OR2J2: variants seen among roughly 807,000 people sequenced by gnomAD.
OR2J2 encodes the protein olfactory receptor 2J2.
In OR2J2, 13 loss-of-function variants were observed where a neutral mutation model predicts 16.9. The observed-to-expected ratio is 0.77, with a 90% CI of 0.50 to 1.23. The LOEUF is 1.23. Ranked by LOEUF, OR2J2 falls within the 50% of genes most tolerant of loss-of-function variation. The pLI is 0.00. For missense variants in OR2J2, 341 were observed against 379.1 expected, an observed-to-expected ratio of 0.90 and a Z score of 0.84; for synonymous variants, 125 against 141.2, an observed-to-expected ratio of 0.89 and a Z score of 0.81.
intron 1 of OR2J2, chr6:29,173,332 A>C (rs1765603691): frequency 1.4e-5 from 4 of 284,996 alleles, no homozygotes; most frequent in Admixed American, 5.0e-5. Context: ...GTAAAAAATC[A>C]TTTTTCATAA....
chr6:29,173,138 T>A (rs1765594180), intron 1 of OR2J2, among the ~76,000 whole-genome samples: 1 of 152,144 alleles, frequency 6.6e-6, no homozygotes, highest in Admixed American at 6.6e-5. Flanking sequence ...TAGCATTTGA[T>A]TCTTTCTATA....
intron 1 of OR2J2, 108 bp downstream of exon 1, chr6:29,171,213 G>T (rs903683535): frequency 6.6e-6 from 1 of 152,014 alleles, no homozygotes; most frequent in African/African-American, 2.4e-5. Context: ...AAATATGATG[G>T]TTGTGGGGTG....
rs768674506 is a variant in OR2J2 at position 29,174,274 on chromosome 6, T to C, written c.639T>C (p.Ile213=). ...CCATTTTTGTTCTCATACCTCTCAT[T>C]CTCATTCTCACTACCTATGGTGCCA... The part of the protein sequence containing the change: ...MSSIFVLIPL[I]LILTTYGAIA... The change falls in exon 2 of 2, where the codon ATT becomes ATC. Residue 213 remains isoleucine (I), a synonymous_variant. Coordinates refer to ENST00000641417, the MANE Select transcript of OR2J2 (RefSeq NM_030905.3). 20 of 1,613,822 alleles carry C rather than the reference T, an allele frequency of 1.2e-5. No individual in the cohort carries two copies. The highest frequency in any genetic ancestry group is 1.6e-5 in the Non-Finnish European group (19 of 1,179,956).
rs749695241 is a variant in OR2J2 at position 29,174,534 on chromosome 6, G to T, written c.899G>T (p.Gly300Val). 5.6e-6 allele frequency: 9 copies of T among 1,613,122 alleles called. No individual in the cohort carries two copies. The East Asian group carries it at 2.0e-4, about 36-fold the overall frequency. The change falls in exon 2 of 2, where the codon GGG becomes GTG. Residue 300 changes from glycine (G) to valine (V), a missense_variant. Transcript: ENST00000641417. ...IYTLRNKHVK[G>V]AAKRLLGWEW... ...ACTCTCAGAAACAAGCATGTAAAAG[G>T]GGCAGCGAAGAGACTATTGGGGTGG...
chr6:29,172,473 T>C (rs1384130784), intron 1 of OR2J2, among the ~76,000 whole-genome samples: 1 of 152,098 alleles, frequency 6.6e-6, no homozygotes, highest in Non-Finnish European at 1.5e-5. Flanking sequence ...TCCTGTATTT[T>C]ATTGCAAAAA....
At position 29,175,482 on chromosome 6, in the gene OR2J2, TA is replaced by T. The variant is rs1765807295; in HGVS notation, c.*913del. 1 of 152,006 alleles carries T rather than the reference TA, an allele frequency of 6.6e-6. No homozygotes were observed. Among genetic ancestry groups the T allele is most frequent in the East Asian group, 1.9e-4 (1 of 5,172 alleles). The allele number at this position is 152,006 out of a possible 1,614,324, so 9.4% of individuals were successfully genotyped here. A position where few individuals can be genotyped will look rare whatever the true frequency, so the allele number is the denominator to read the frequency against. ...TTGTATAAATCTTTCTTTCACTTTT[TA>T]AAAATCAAAAACAAGGCCGAGCACG... is the stretch of plus-strand genomic sequence containing the variant. On this transcript the variant is annotated 3_prime_UTR_variant, in exon 2 of 2. Coordinates refer to ENST00000641417, the MANE Select transcript of OR2J2 (RefSeq NM_030905.3).
At position 29,175,063 on chromosome 6, in the gene OR2J2, G is replaced by A. The variant is rs1765769006; in HGVS notation, c.*489G>A. ...AATGAATAACATTGTTTAAGATATG[G>A]TAAAGGATATATCATAAGTATTTGG... On this transcript the variant is annotated 3_prime_UTR_variant, in exon 2 of 2. Coordinates refer to ENST00000641417, the MANE Select transcript of OR2J2 (RefSeq NM_030905.3). 6.5e-6 allele frequency: 1 copy of A among 153,694 alleles called. No homozygotes were observed. The highest frequency in any genetic ancestry group is 1.4e-5 in the Non-Finnish European group (1 of 69,260). The allele number at this position is 153,694 out of a possible 1,614,324, so 9.5% of individuals were successfully genotyped here. A position where few individuals can be genotyped will look rare whatever the true frequency, so the allele number is the denominator to read the frequency against.
chr6:29,173,680 A>C lies in OR2J2; in HGVS notation c.45A>C (p.Leu15=), dbSNP rs1402707201. The change falls in exon 2 of 2, where the codon CTA becomes CTC. Residue 15 remains leucine (L), a synonymous_variant. Transcript: ENST00000641417. ...KNASSEDFFI[L]LGFSNWPQLE... is the part of the protein sequence containing the mutation. ...CAAGTTCGGAAGACTTCTTTATTCT[A>C]CTTGGATTTTCTAATTGGCCTCAGC... 1 of 1,612,536 alleles carries C rather than the reference A, an allele frequency of 6.2e-7. No individual in the cohort carries two copies. The highest frequency in any genetic ancestry group is 8.5e-7 in the Non-Finnish European group (1 of 1,179,622).
In OR2J2 at chr6:29,174,035, A is replaced by T; in HGVS notation, c.400A>T (p.Thr134Ser). The change falls in exon 2 of 2, where the codon ACT becomes TCT. Residue 134 changes from threonine (T) to serine (S), a missense_variant. Transcript: ENST00000641417. ...AGCTGTGTGTAGACCTTTGCATTACACTGTCCTCATGCACCCTCGTTTCTG... is the reference window on the plus strand; with the variant it reads ...AGCTGTGTGTAGACCTTTGCATTACTCTGTCCTCATGCACCCTCGTTTCTG... ...YVAVCRPLHY[T>S]VLMHPRFCHL... 6.2e-7 allele frequency: 1 copy of T among 1,612,864 alleles called. No homozygotes were observed. Among genetic ancestry groups the T allele is most frequent in the Non-Finnish European group, 8.5e-7 (1 of 1,179,668 alleles).
rs1299306001 is a variant in OR2J2 at position 29,171,039 on chromosome 6, C to T, written c.-84C>T. 1.3e-5 allele frequency: 2 copies of T among 152,108 alleles called. No individual in the cohort carries two copies. The highest frequency in any genetic ancestry group is 1.3e-4 in the Admixed American group (2 of 15,260). 9.4% of individuals were successfully genotyped at this position (152,108 alleles called of 1,614,324 possible). On this transcript the variant is annotated 5_prime_UTR_variant, in exon 1 of 2. It introduces an in-frame stop codon into an upstream open reading frame of the 5' UTR. Transcript: ENST00000641417. Reference sequence around the variant, plus strand: ...TATGGCAACCAGAGAGCCCCTTCATCAGTTTATACCTGATGAGGTTGTAGG... The same window carrying T: ...TATGGCAACCAGAGAGCCCCTTCATTAGTTTATACCTGATGAGGTTGTAGG...
At position 29,174,650 on chromosome 6, in the gene OR2J2, TTTGTGA is replaced by T. The variant is rs1264290418; in HGVS notation, c.*79_*84del. 7.6e-6 allele frequency: 9 copies of T among 1,185,008 alleles called. No individual in the cohort carries two copies. Among genetic ancestry groups the T allele is most frequent in the Non-Finnish European group, 9.4e-6 (8 of 852,714 alleles). The allele number at this position is 1,185,008 out of a possible 1,614,324, so 73.4% of individuals were successfully genotyped here. On this transcript the variant is annotated 3_prime_UTR_variant, in exon 2 of 2. Coordinates refer to ENST00000641417, the MANE Select transcript of OR2J2 (RefSeq NM_030905.3). ...TCTTGAAAGGTGGTTTCCCTGCTTCTTTGTGATTTATTTTTGTTCTAACAGCTCACA... is the reference window on the plus strand; with the variant it reads ...TCTTGAAAGGTGGTTTCCCTGCTTCTTTTATTTTTGTTCTAACAGCTCACA...
chr6:29,173,416 A>C (rs936157339), intron 1 of OR2J2: 2 of 471,870 alleles, frequency 4.2e-6, no homozygotes, highest in Non-Finnish European at 3.7e-6. Context: ...TATATAAAGA[A>C]CTCAGTAACT....
intron 1 of OR2J2, 49 bp downstream of exon 1, chr6:29,171,154 C>T (rs1458489952): frequency 1.3e-5 from 2 of 151,968 alleles, no homozygotes; most frequent in Non-Finnish European, 2.9e-5. Flanking sequence ...AGACAGCTTC[C>T]ATATTTCAAA....
rs1037253598 is a variant in OR2J2 at position 29,174,743 on chromosome 6, G to A, written c.*169G>A. Reference sequence around the variant, plus strand: ...TTATTATTTAGTTCTGAAATATTATGTTGAGATAAAGTTTCTGATTAGTGC... The same window carrying A: ...TTATTATTTAGTTCTGAAATATTATATTGAGATAAAGTTTCTGATTAGTGC... On this transcript the variant is annotated 3_prime_UTR_variant, in exon 2 of 2. Coordinates refer to ENST00000641417, the MANE Select transcript of OR2J2 (RefSeq NM_030905.3). 3.9e-6 allele frequency: 2 copies of A among 518,052 alleles called. No individual in the cohort carries two copies. Among genetic ancestry groups the A allele is most frequent in the African/African-American group, 3.9e-5 (2 of 51,214 alleles). 32.1% of individuals were successfully genotyped at this position (518,052 alleles called of 1,614,324 possible).
Position 29,175,683 on chromosome 6 carries a change from T to C in OR2J2, c.*1109T>C, listed in dbSNP as rs1765821865. On this transcript the variant is annotated 3_prime_UTR_variant, in exon 2 of 2. Coordinates refer to ENST00000641417, the MANE Select transcript of OR2J2 (RefSeq NM_030905.3). ...TAGTCCCATTGAAGCTAAACTTTTT[T>C]TTCACTTTACATGAACATTTTGAAA... 1.3e-5 allele frequency: 2 copies of C among 152,068 alleles called. No homozygotes were observed. Among genetic ancestry groups the C allele is most frequent in the Admixed American group, 1.3e-4 (2 of 15,220 alleles). The allele number at this position is 152,068 out of a possible 1,614,324, so 9.4% of individuals were successfully genotyped here. A position where few individuals can be genotyped will look rare whatever the true frequency, so the allele number is the denominator to read the frequency against.
At position 29,174,053 on chromosome 6, in the gene OR2J2, C is replaced by A. The variant is rs191240319; in HGVS notation, c.418C>A (p.Arg140Ser). Residue 140 changes from arginine to serine, a missense_variant, in exon 2 of 2, where the codon CGT (arginine) becomes AGT (serine). Arg to Ser is a moderately radical substitution (Grantham distance 110, BLOSUM62 -1). Coordinates refer to ENST00000641417, the MANE Select transcript of OR2J2 (RefSeq NM_030905.3). ...PLHYTVLMHP[R>S]FCHLLVAASW... is the part of the protein sequence containing the mutation. ...GCATTACACTGTCCTCATGCACCCT[C>A]GTTTCTGCCACTTGTTGGTTGCGGC... is the stretch of plus-strand genomic sequence containing the variant. 7 of 1,613,414 alleles carry A rather than the reference C, an allele frequency of 4.3e-6. No individual in the cohort carries two copies. Among genetic ancestry groups the A allele is most frequent in the Non-Finnish European group, 5.1e-6 (6 of 1,179,848 alleles).
Position 29,175,666 on chromosome 6 carries a change from T to C in OR2J2, c.*1092T>C, listed in dbSNP as rs545353737. The C allele has an allele frequency of 5.3e-5, 8 of 151,996 alleles. 1 individual carries two copies. The highest frequency in any genetic ancestry group is 1.3e-4 in the Admixed American group (2 of 15,208). 9.4% of individuals were successfully genotyped at this position (151,996 alleles called of 1,614,324 possible). The stretch of plus-strand genomic sequence containing the variant: ...ATGGTGGCACATGCCTGTAGTCCCA[T>C]TGAAGCTAAACTTTTTTTTCACTTT... On this transcript the variant is annotated 3_prime_UTR_variant, in exon 2 of 2. Transcript: ENST00000641417.
rs1404675121 is a variant in OR2J2 at position 29,173,783 on chromosome 6, T to C, written c.148T>C (p.Ser50Pro). The C allele has an allele frequency of 1.9e-6, 3 of 1,613,622 alleles. No homozygotes were observed. Among genetic ancestry groups the C allele is most frequent in the Non-Finnish European group, 2.5e-6 (3 of 1,179,952 alleles). Residue 50 changes from serine to proline, a missense_variant, in exon 2 of 2, where the codon TCA (serine) becomes CCA (proline). Transcript: ENST00000641417. ...AGGAAACCTGTTCATCATCATCCTGTCATACGTGGACTCCCATCTCCACAC... is the reference window on the plus strand; with the variant it reads ...AGGAAACCTGTTCATCATCATCCTGCCATACGTGGACTCCCATCTCCACAC... ...LTGNLFIIIL[S>P]YVDSHLHTPM...
intron 1 of OR2J2, among the ~76,000 whole-genome samples, chr6:29,172,684 A>G (rs1765567142): frequency 6.6e-6 from 1 of 152,176 alleles, no homozygotes; most frequent in South Asian, 2.1e-4. Flanking sequence ...CAGAAGCTCC[A>G]TTAAAAATTG....
Sources: gnomAD v4.1 joint callset for allele counts (sites outside exome capture counted in the v4.1 genomes callset) on GRCh38, gnomAD v4.1.1 for gene constraint, MANE v1.5 for transcripts, NCBI Gene and HGNC (gene_info 2026-07-23, HGNC 2026-07-21) for gene names.